GPC5: variants seen among roughly 807,000 people sequenced by gnomAD.
GPC5 encodes the protein glypican 5.
Under a neutral mutation model 53.9 loss-of-function variants are expected in GPC5, and 47 were observed. The ratio of observed to expected loss-of-function variants is 0.87; its 90% CI spans 0.69 to 1.11. The LOEUF is 1.11. Among genes scored for constraint, GPC5 ranks in the 50% most tolerant of loss-of-function variants. The probability of loss-of-function intolerance (pLI) is 0.00; values close to 1 mark genes in which losing one functional copy is unlikely to be tolerated. For missense variants in GPC5, 748 were observed against 713.1 expected (o/e 1.05, Z -0.56); for synonymous variants, 286 against 263.3 (o/e 1.09, Z -0.84).
intron 5 of GPC5, among the ~76,000 whole-genome samples, chr13:91,885,741 A>G (rs914512386): frequency 1.3e-5 from 2 of 152,176 alleles, no homozygotes; most frequent in African/African-American, 4.8e-5. Context: ...TAGAAGCCTC[A>G]TCTCAGCTAT....
At chr13:92,733,474 CT>C (rs1171059434) in intron 7 of GPC5, among the ~76,000 whole-genome samples, 1 of 151,714 alleles carries the variant, frequency 6.6e-6, no homozygotes, top group Non-Finnish European at 1.5e-5. Flanking sequence ...CAAATGTTGT[CT>C]TTGTTAAATT....
chr13:91,572,044 CACACATATGTATAT>C (rs2031889884), intron 2 of GPC5, among the ~76,000 whole-genome samples: 4 of 103,104 alleles, frequency 3.9e-5, no homozygotes, highest in African/African-American at 2.2e-4. Flanking sequence ...TGTGTATATA[CACACATATGTATAT>C]ATACATGTAT....
At chr13:91,710,031 T>C (rs1381546705) in intron 3 of GPC5, among the ~76,000 whole-genome samples, 1 of 152,224 alleles carries the variant, frequency 6.6e-6, no homozygotes, top group Non-Finnish European at 1.5e-5. Context: ...GTTCCAGGTC[T>C]ATTAAAGTAC....
At chr13:92,106,262 C>T (rs1290887033) in intron 6 of GPC5, among the ~76,000 whole-genome samples, 2 of 151,682 alleles carry the variant, frequency 1.3e-5, no homozygotes, top group Non-Finnish European at 2.9e-5. Context: ...AAAGATGGAC[C>T]CCCAATTTCA....
chr13:92,130,667 G>T (rs2041736353), intron 6 of GPC5, among the ~76,000 whole-genome samples: 1 of 152,010 alleles, frequency 6.6e-6, no homozygotes, highest in African/African-American at 2.4e-5. Flanking sequence ...AACATGAGAA[G>T]TAAGGATAAA....
intron 7 of GPC5, among the ~76,000 whole-genome samples, chr13:92,829,087 T>C (rs749549003): frequency 1.3e-5 from 2 of 152,072 alleles, no homozygotes; most frequent in African/African-American, 2.4e-5. Flanking sequence ...GCAAAGAATC[T>C]AAGTTAGGAA....
intron 7 of GPC5, among the ~76,000 whole-genome samples, chr13:92,538,427 C>T (rs1174763357): frequency 1.3e-5 from 2 of 150,702 alleles, no homozygotes; most frequent in Non-Finnish European, 3.0e-5. Context: ...TCTCTTCCTC[C>T]TTTTTCCCAT....
At chr13:92,445,584 T>C (rs957671780) in intron 7 of GPC5, among the ~76,000 whole-genome samples, 5 of 150,808 alleles carry the variant, frequency 3.3e-5, no homozygotes, top group African/African-American at 9.8e-5. Context: ...TTTGTTCTTG[T>C]GATAGTTTAC....
intron 7 of GPC5, among the ~76,000 whole-genome samples, chr13:92,174,642 A>C (rs918944420): frequency 6.6e-6 from 1 of 152,228 alleles, no homozygotes; most frequent in Non-Finnish European, 1.5e-5. Context: ...TTTACTTAAA[A>C]ACAGCAAAAA....
At chr13:92,471,478 A>G (rs935194486) in intron 7 of GPC5, among the ~76,000 whole-genome samples, 1 of 152,178 alleles carries the variant, frequency 6.6e-6, no homozygotes, top group South Asian at 2.1e-4. Flanking sequence ...CCCTATTTAT[A>G]GGTAAGCCAT....
At chr13:92,264,854 GTC>G (rs147820719) in intron 7 of GPC5, among the ~76,000 whole-genome samples, 1,473 of 139,406 alleles carry the variant, frequency 0.011, 17 homozygotes, top group Non-Finnish European at 0.013. Flanking sequence ...TATGTTTAGG[GTC>G]TCTCTCTCTC....
chr13:92,044,144 C>T (rs1182190749), intron 6 of GPC5, among the ~76,000 whole-genome samples: 1 of 152,204 alleles, frequency 6.6e-6, no homozygotes, highest in Non-Finnish European at 1.5e-5. Flanking sequence ...ACAACGTTTC[C>T]TGTACCAGAA....
At chr13:92,755,027 A>G (rs910891761) in intron 7 of GPC5, among the ~76,000 whole-genome samples, 1 of 152,094 alleles carries the variant, frequency 6.6e-6, no homozygotes, top group Non-Finnish European at 1.5e-5. Flanking sequence ...CAGAATATAC[A>G]TTTTTTCAGC....
chr13:91,786,945 CT>C (rs34996570), intron 5 of GPC5, among the ~76,000 whole-genome samples: 54,404 of 142,710 alleles, frequency 0.38, 10,796 homozygotes, highest in African/African-American at 0.49. Context: ...AAGTGTTTCT[CT>C]TTTTTTTTTT....
chr13:92,702,901 C>A (rs566589518), intron 7 of GPC5, among the ~76,000 whole-genome samples: 13 of 151,862 alleles, frequency 8.6e-5, no homozygotes, highest in Non-Finnish European at 1.5e-4. Context: ...TTGGCTCCCC[C>A]AACCCGGCAT....
intron 5 of GPC5, among the ~76,000 whole-genome samples, chr13:91,900,401 A>G (rs1005341629): frequency 6.6e-6 from 1 of 152,122 alleles, no homozygotes; most frequent in African/African-American, 2.4e-5. Flanking sequence ...ATCATCATAA[A>G]TCCATGAAGG....
In GPC5 at chr13:92,144,859, C is replaced by T. The variant is rs545755643; in HGVS notation, c.1431C>T (p.Asp477=). 163 of 1,611,810 alleles carry T rather than the reference C, an allele frequency of 1.0e-4. 1 individual carries two copies. The South Asian group carries it at 1.7e-3, about 17-fold the overall frequency. The change falls in exon 7 of 8, where the codon GAC becomes GAT. Residue 477 remains aspartate (D), a synonymous_variant. Coordinates refer to ENST00000377067, the MANE Select transcript of GPC5 (RefSeq NM_004466.6). ...QLLQGRSPKP[D]KWELLQLGSG... ...TACAGGGTAGATCACCCAAACCTGA[C>T]AAGTGGGAACTTCTTCAGCTGGGCA...
rs1184094293 is a variant in GPC5 at position 92,357,725 on chromosome 13, G to A, written c.1561+212736G>A. 1.3e-5 allele frequency among the ~76,000 whole-genome samples: 2 copies of A among 151,590 alleles called. 1 individual carries two copies. The highest frequency in any genetic ancestry group is 4.9e-5 in the African/African-American group (2 of 40,870). On this transcript the variant is annotated intron_variant, in intron 7 of 7. Coordinates refer to ENST00000377067, the MANE Select transcript of GPC5 (RefSeq NM_004466.6). ...AGGAAGGAGGCACATGGCCAGAGCA[G>A]AAGAAGAGAGAGAGGAGAGGTGCTA... is the stretch of plus-strand genomic sequence containing the variant.
intron 5 of GPC5, among the ~76,000 whole-genome samples, chr13:91,868,533 C>T (rs192421904): frequency 3.1e-4 from 47 of 151,854 alleles, no homozygotes; most frequent in Admixed American, 9.8e-4. Flanking sequence ...AGCAAAAAAC[C>T]CTGTCCACAA....
Sources: gnomAD v4.1 joint callset for allele counts (sites outside exome capture counted in the v4.1 genomes callset) on GRCh38, gnomAD v4.1.1 for gene constraint, MANE v1.5 for transcripts, NCBI Gene and HGNC (gene_info 2026-07-23, HGNC 2026-07-21) for gene names.